UFSP1: variants seen among roughly 807,000 people sequenced by gnomAD.
The protein encoded by UFSP1 is UFM1 specific peptidase 1.
For missense variants in UFSP1, 261 were observed against 182.7 expected, an observed-to-expected ratio of 1.43 and a Z score of -2.47; for synonymous variants, 119 against 77.6, an observed-to-expected ratio of 1.53 and a Z score of -2.81.
Position 100,889,441 on chromosome 7 carries a change from C to CGGACAGGGCCGCGGCTCGGCGG in UFSP1, c.-192_-171dup. On this transcript the variant is annotated 5_prime_UTR_variant, in exon 1 of 1. Coordinates refer to ENST00000388761, the MANE Select transcript of UFSP1 (RefSeq NM_001015072.4). Reference sequence around the variant, plus strand: ...GTAGTGGCCCGAGAGCAGCGCCAGGCGGACAGGGCCGCGGCTCGGCGGGGA... The same window carrying CGGACAGGGCCGCGGCTCGGCGG: ...GTAGTGGCCCGAGAGCAGCGCCAGGCGGACAGGGCCGCGGCTCGGCGGGGACAGGGCCGCGGCTCGGCGGGGA... 1.7e-6 allele frequency: 1 copy of CGGACAGGGCCGCGGCTCGGCGG among 581,462 alleles called. No homozygotes were observed. The highest frequency in any genetic ancestry group is 2.9e-6 in the Non-Finnish European group (1 of 348,106). 36.0% of individuals were successfully genotyped at this position (581,462 alleles called of 1,614,324 possible). A position where few individuals can be genotyped will look rare whatever the true frequency, so the allele number is the denominator to read the frequency against.
rs1790480014 is a variant in UFSP1 at position 100,889,172 on chromosome 7, G to C, written c.100C>G (p.Leu34Val). ...CCCACTCCCCGGGGTACGTGGCAGA[G>C]GCGTCCCTGGGGCCCTCCGAAGTGA... is the stretch of plus-strand genomic sequence containing the variant. The change falls in exon 1 of 1, where the codon CTC becomes GTC. Residue 34 changes from leucine to valine, a missense_variant. Coordinates refer to ENST00000388761, the MANE Select transcript of UFSP1 (RefSeq NM_001015072.4). 1 of 1,612,044 alleles carries C rather than the reference G, an allele frequency of 6.2e-7. No individual in the cohort carries two copies. The highest frequency in any genetic ancestry group is 1.7e-5 in the Admixed American group (1 of 59,920).
chr7:100,889,041 G>C lies in UFSP1; in HGVS notation c.231C>G (p.Val77=). The C allele has an allele frequency of 6.2e-7, 1 of 1,614,174 alleles. No individual in the cohort carries two copies. Among genetic ancestry groups the C allele is most frequent in the Non-Finnish European group, 8.5e-7 (1 of 1,180,032 alleles). ...AGGCTTCCGTGCCTGACCCTACGCA[G>C]ACTCCCAGCAAGGCCTTGGACCTGG... The change falls in exon 1 of 1, where the codon GTC becomes GTG. Residue 77 remains valine, a synonymous_variant. Transcript: ENST00000388761.
chr7:100,889,182 G>A lies in UFSP1; in HGVS notation c.90C>T (p.Pro30=), dbSNP rs755342405. 49 of 1,611,256 alleles carry A rather than the reference G, an allele frequency of 3.0e-5. No homozygotes were observed. The highest frequency in any genetic ancestry group is 4.0e-5 in the Non-Finnish European group (47 of 1,179,244). ...GGGGTACGTGGCAGAGGCGTCCCTG[G>A]GGCCCTCCGAAGTGAGCGAGGCAGA... is the stretch of plus-strand genomic sequence containing the variant. Residue 30 remains proline, a synonymous_variant, in exon 1 of 1, where the codon CCC becomes CCT. Coordinates refer to ENST00000388761, the MANE Select transcript of UFSP1 (RefSeq NM_001015072.4).
Position 100,889,518 on chromosome 7 carries a change from A to G in UFSP1, c.-247T>C. ...GCTCCAGGGCGGTGGGCGGGAGCGG[A>G]GGTCCCAGGCCAGGCACAGCGTCCT... On this transcript the variant is annotated 5_prime_UTR_variant, in exon 1 of 1. Coordinates refer to ENST00000388761, the MANE Select transcript of UFSP1 (RefSeq NM_001015072.4). 1 of 457,102 alleles carries G rather than the reference A, an allele frequency of 2.2e-6. No individual in the cohort carries two copies. The highest frequency in any genetic ancestry group is 3.9e-6 in the Non-Finnish European group (1 of 257,180). 28.3% of individuals were successfully genotyped at this position (457,102 alleles called of 1,614,324 possible).
chr7:100,888,779 C>T lies in UFSP1; in HGVS notation c.*64G>A. The T allele has an allele frequency of 6.4e-7, 1 of 1,560,746 alleles. No individual in the cohort carries two copies. Among genetic ancestry groups the T allele is most frequent in the South Asian group, 1.2e-5 (1 of 83,482 alleles). On this transcript the variant is annotated 3_prime_UTR_variant, in exon 1 of 1. Transcript: ENST00000388761. ...TCAAAAGCGCCAGGCTTTGCAGGGA[C>T]ACCAGTGGGAGGTACATAGGTGCGT...
rs1790475768 is a variant in UFSP1 at position 100,889,132 on chromosome 7, A to AGCTCCCCGTGCAGCCCC, written c.123_139dup (p.Leu47ArgfsTer39). ...TGCGAAGTGCGAGTAAAGCCTCTCC[A>AGCTCCCCGTGCAGCCCC]GCTCCCCGTGCAGCCCCACTCCCCG... On this transcript the variant is annotated frameshift_variant, in exon 1 of 1. Coordinates refer to ENST00000388761, the MANE Select transcript of UFSP1 (RefSeq NM_001015072.4). LOFTEE classifies it low-confidence loss of function (END_TRUNC). 5 of 1,612,614 alleles carry AGCTCCCCGTGCAGCCCC rather than the reference A, an allele frequency of 3.1e-6. No homozygotes were observed. Among genetic ancestry groups the AGCTCCCCGTGCAGCCCC allele is most frequent in the African/African-American group, 2.7e-5 (2 of 74,760 alleles).
At position 100,889,278 on chromosome 7, in the gene UFSP1, C is replaced by T. The variant is rs1790485985; in HGVS notation, c.-7G>A. ...CGGGGGGCTTGTCGCCCATGTCCTC[C>T]AGGGCCGCCTGTACGGCGGCCAGTC... On this transcript the variant is annotated 5_prime_UTR_variant, in exon 1 of 1. Transcript: ENST00000388761. 1 of 1,506,568 alleles carries T rather than the reference C, an allele frequency of 6.6e-7. No homozygotes were observed. The highest frequency in any genetic ancestry group is 2.3e-5 in the Admixed American group (1 of 43,864). 93.3% of individuals were successfully genotyped at this position (1,506,568 alleles called of 1,614,324 possible). A position where few individuals can be genotyped will look rare whatever the true frequency, so the allele number is the denominator to read the frequency against.
Position 100,888,775 on chromosome 7 carries a change from GGGACACCAGTGGGA to G in UFSP1, c.*54_*67del. The G allele has an allele frequency of 6.4e-7, 1 of 1,558,040 alleles. No homozygotes were observed. The highest frequency in any genetic ancestry group is 8.7e-7 in the Non-Finnish European group (1 of 1,146,542). Reference sequence around the variant, plus strand: ...GATGTCAAAAGCGCCAGGCTTTGCAGGGACACCAGTGGGAGGTACATAGGTGCGTGTCTGGGACC... The same window carrying G: ...GATGTCAAAAGCGCCAGGCTTTGCAGGGTACATAGGTGCGTGTCTGGGACC... On this transcript the variant is annotated 3_prime_UTR_variant, in exon 1 of 1. Transcript: ENST00000388761.
At position 100,889,396 on chromosome 7, in the gene UFSP1, C is replaced by T; in HGVS notation, c.-125G>A. On this transcript the variant is annotated 5_prime_UTR_variant, in exon 1 of 1. Coordinates refer to ENST00000388761, the MANE Select transcript of UFSP1 (RefSeq NM_001015072.4). Reference sequence around the variant, plus strand: ...CCAGCCGCGGTCGTCCAGGCCGTCGCAGCCGTAGTGGTAGTAGAGGTAGTG... The same window carrying T: ...CCAGCCGCGGTCGTCCAGGCCGTCGTAGCCGTAGTGGTAGTAGAGGTAGTG... The T allele has an allele frequency of 1.2e-6, 1 of 825,560 alleles. No homozygotes were observed. The highest frequency in any genetic ancestry group is 3.7e-4 in the Middle Eastern group (1 of 2,680). The allele number at this position is 825,560 out of a possible 1,614,324, so 51.1% of individuals were successfully genotyped here.
chr7:100,888,846 G>A lies in UFSP1; in HGVS notation c.426C>T (p.Asp142=), dbSNP rs778945753. 1 of 1,605,580 alleles carries A rather than the reference G, an allele frequency of 6.2e-7. No individual in the cohort carries two copies. The highest frequency in any genetic ancestry group is 8.5e-7 in the Non-Finnish European group (1 of 1,174,626). The change falls in exon 1 of 1, where the codon GAC becomes GAT. Residue 142 remains aspartate (D), a synonymous_variant. Coordinates refer to ENST00000388761, the MANE Select transcript of UFSP1 (RefSeq NM_001015072.4). ...TCTCAGTTCTGTAACTTCGTCCTCA[G>A]TCCAAGGTGCGCTGCTGCTGTTGGG...
rs1563030303 is a variant in UFSP1, at chr7:100,889,253, C to A, written c.19G>T (p.Gly7Cys). 25 of 1,541,056 alleles carry A rather than the reference C, an allele frequency of 1.6e-5. 1 individual carries two copies. In the South Asian group the frequency reaches 3.0e-4, roughly 18 times the overall value. Reference sequence around the variant, plus strand: ...ATCCAGTCCCGGGAGCCCCGGAAGCCGGGGGGCTTGTCGCCCATGTCCTCC... The same window carrying A: ...ATCCAGTCCCGGGAGCCCCGGAAGCAGGGGGGCTTGTCGCCCATGTCCTCC... The change falls in exon 1 of 1, where the codon GGC becomes TGC. Residue 7 changes from glycine to cysteine, a missense_variant. Gly to Cys is a radical substitution (Grantham distance 159, BLOSUM62 -3). Transcript: ENST00000388761.
In UFSP1 at chr7:100,888,761, C is replaced by A; in HGVS notation, c.*82G>T. The A allele has an allele frequency of 6.5e-7, 1 of 1,539,146 alleles. No individual in the cohort carries two copies. Among genetic ancestry groups the A allele is most frequent in the Non-Finnish European group, 8.9e-7 (1 of 1,128,688 alleles). On this transcript the variant is annotated 3_prime_UTR_variant, in exon 1 of 1. Transcript: ENST00000388761. Reference sequence around the variant, plus strand: ...CCACTTTTATTATTGATGTCAAAAGCGCCAGGCTTTGCAGGGACACCAGTG... The same window carrying A: ...CCACTTTTATTATTGATGTCAAAAGAGCCAGGCTTTGCAGGGACACCAGTG...
At position 100,889,328 on chromosome 7, in the gene UFSP1, C is replaced by T; in HGVS notation, c.-57G>A. The T allele has an allele frequency of 1.4e-6, 2 of 1,414,674 alleles. No homozygotes were observed. Among genetic ancestry groups the T allele is most frequent in the Non-Finnish European group, 1.9e-6 (2 of 1,073,002 alleles). The allele number at this position is 1,414,674 out of a possible 1,614,324, so 87.6% of individuals were successfully genotyped here. On this transcript the variant is annotated 5_prime_UTR_variant, in exon 1 of 1. Transcript: ENST00000388761. ...CCAGGTACGCCCGCGGGCTGGCCCTCTGGCCACGAGCACAGCGTCTGCAGA... is the reference window on the plus strand; with the variant it reads ...CCAGGTACGCCCGCGGGCTGGCCCTTTGGCCACGAGCACAGCGTCTGCAGA...
In UFSP1 at chr7:100,889,492, G is replaced by C; in HGVS notation, c.-221C>G. ...CAGGCCCACGTGGACGTCCCTCAGCGGCTCCAGGGCGGTGGGCGGGAGCGG... is the reference window on the plus strand; with the variant it reads ...CAGGCCCACGTGGACGTCCCTCAGCCGCTCCAGGGCGGTGGGCGGGAGCGG... On this transcript the variant is annotated 5_prime_UTR_variant, in exon 1 of 1. Transcript: ENST00000388761. 2.1e-6 allele frequency: 1 copy of C among 474,836 alleles called. No individual in the cohort carries two copies. 29.4% of individuals were successfully genotyped at this position (474,836 alleles called of 1,614,324 possible).
chr7:100,889,078 C>G lies in UFSP1; in HGVS notation c.194G>C (p.Gly65Ala), dbSNP rs1278803433. The G allele has an allele frequency of 1.9e-6, 3 of 1,613,906 alleles. No individual in the cohort carries two copies. The highest frequency in any genetic ancestry group is 1.7e-6 in the Non-Finnish European group (2 of 1,179,928). ...GGCCTTGGACCTGGCATCTGCGTCC[C>G]CCCCAACCATGACTGGGCCCCCACC... The change falls in exon 1 of 1, where the codon GGG becomes GCG. Residue 65 changes from glycine to alanine, a missense_variant. Coordinates refer to ENST00000388761, the MANE Select transcript of UFSP1 (RefSeq NM_001015072.4).
At position 100,888,904 on chromosome 7, in the gene UFSP1, G is replaced by A; in HGVS notation, c.368C>T (p.Ser123Phe). The A allele has an allele frequency of 1.2e-6, 2 of 1,614,130 alleles. No individual in the cohort carries two copies. The highest frequency in any genetic ancestry group is 1.7e-6 in the Non-Finnish European group (2 of 1,180,022). The change falls in exon 1 of 1, where the codon TCC (serine) becomes TTC (phenylalanine). Residue 123 changes from serine (S) to phenylalanine (F), a missense_variant. Physicochemically the swap from Ser to Phe is radical, Grantham distance 155. Transcript: ENST00000388761. Reference sequence around the variant, plus strand: ...GCTGGTCAAGCACAGGTTGTAGAAGGAGTTGGGGTCAAAGGCTGCACTCAC... The same window carrying A: ...GCTGGTCAAGCACAGGTTGTAGAAGAAGTTGGGGTCAAAGGCTGCACTCAC...
chr7:100,889,261 T>C lies in UFSP1; in HGVS notation c.11A>G (p.Lys4Arg), dbSNP rs746847406. The C allele has an allele frequency of 6.5e-7, 1 of 1,534,590 alleles. No homozygotes were observed. Among genetic ancestry groups the C allele is most frequent in the Non-Finnish European group, 8.7e-7 (1 of 1,146,198 alleles). ...CCGGGAGCCCCGGAAGCCGGGGGGC[T>C]TGTCGCCCATGTCCTCCAGGGCCGC... The change falls in exon 1 of 1, where the codon AAG (lysine) becomes AGG (arginine). Residue 4 changes from lysine (K) to arginine (R), a missense_variant. Lys to Arg is a conservative substitution (Grantham distance 26). Coordinates refer to ENST00000388761, the MANE Select transcript of UFSP1 (RefSeq NM_001015072.4).
In UFSP1 at chr7:100,889,151, C is replaced by G. The variant is rs1563030118; in HGVS notation, c.121G>C (p.Val41Leu). The G allele has an allele frequency of 2.5e-6, 4 of 1,612,988 alleles. No individual in the cohort carries two copies. Among genetic ancestry groups the G allele is most frequent in the Non-Finnish European group, 3.4e-6 (4 of 1,179,802 alleles). ...CTCTCCAGCTCCCCGTGCAGCCCCA[C>G]TCCCCGGGGTACGTGGCAGAGGCGT... The change falls in exon 1 of 1, where the codon GTG (valine) becomes CTG (leucine). Residue 41 changes from valine to leucine, a missense_variant. Val to Leu is a conservative substitution (Grantham distance 32). Coordinates refer to ENST00000388761, the MANE Select transcript of UFSP1 (RefSeq NM_001015072.4).
In UFSP1 at chr7:100,889,450, C is replaced by T; in HGVS notation, c.-179G>A. On this transcript the variant is annotated 5_prime_UTR_variant, in exon 1 of 1. Transcript: ENST00000388761. ...CGAGAGCAGCGCCAGGCGGACAGGG[C>T]CGCGGCTCGGCGGGGACAGGCCCAC... 1.7e-6 allele frequency: 1 copy of T among 571,542 alleles called. No individual in the cohort carries two copies. The allele number at this position is 571,542 out of a possible 1,614,324, so 35.4% of individuals were successfully genotyped here.
Sources: allele counts gnomAD v4.1 joint callset, GRCh38; gene constraint gnomAD v4.1.1; transcripts MANE v1.5; gene names NCBI Gene and HGNC (gene_info 2026-07-23, HGNC 2026-07-21).